The following KIAA0319L variants were observed in gnomAD, a reference collection of about 807,000 sequenced individuals.
The protein encoded by KIAA0319L is KIAA0319 like.
In KIAA0319L, 55 loss-of-function variants were observed where a neutral mutation model predicts 120.1. The ratio of observed to expected loss-of-function variants is 0.46; its 90% CI spans 0.37 to 0.57. KIAA0319L has a LOEUF of 0.57. Ranked by LOEUF, KIAA0319L falls within the 20% of genes least tolerant of loss-of-function variation. The probability of loss-of-function intolerance (pLI) is 0.00; values close to 1 mark genes in which losing one functional copy is unlikely to be tolerated. For missense variants in KIAA0319L, 1,049 were observed against 1,255.3 expected, an observed-to-expected ratio of 0.84 and a Z score of 2.48; for synonymous variants, 398 against 471.9, an observed-to-expected ratio of 0.84 and a Z score of 2.03.
chr1:35,441,222 C>A, intron 19 of KIAA0319L, 84 bp from the exon 20 acceptor site: 1 of 1,230,720 alleles, frequency 8.1e-7, no homozygotes, highest in Non-Finnish European at 1.2e-6. Flanking sequence ...ATGCAGGGCC[C>A]TATTTTGGTG....
intron 4 of KIAA0319L, among the ~76,000 whole-genome samples, chr1:35,478,381 T>C (rs1643999328): frequency 6.6e-6 from 1 of 152,114 alleles, no homozygotes; most frequent in African/African-American, 2.4e-5. Flanking sequence ...TCAATAATAT[T>C]TTAATTGCAC....
Position 35,456,033 on chromosome 1 carries a change from CT to C in KIAA0319L, c.1635del (p.Val548TrpfsTer28). 6.2e-7 allele frequency: 1 copy of C among 1,613,312 alleles called. No individual in the cohort carries two copies. Among genetic ancestry groups the C allele is most frequent in the Non-Finnish European group, 8.5e-7 (1 of 1,179,558 alleles). On this transcript the variant is annotated frameshift_variant, in exon 10 of 21. Transcript: ENST00000325722. LOFTEE classifies it high-confidence loss of function. ...SYEWSLSPSSKGKVVEMQGVR... is the reference protein window; with the variant it reads ...SYEWSLSPSSXGKVVEMQGVR... Reference sequence around the variant, plus strand: ...CCTACCTGCATCTCCACCACTTTCCCTTTGCTGCTTGGGCTGAGTGACCACT... The same window carrying C: ...CCTACCTGCATCTCCACCACTTTCCCTTGCTGCTTGGGCTGAGTGACCACT...
Position 35,442,949 on chromosome 1 carries a change from C to A in KIAA0319L, c.2736G>T (p.Glu912Asp). Residue 912 changes from glutamate to aspartate, a missense_variant, in exon 18 of 21, where the codon GAG (glutamate) becomes GAT (aspartate). By Grantham distance (45) the Glu-to-Asp change is conservative. Transcript: ENST00000325722. ...CCCTCAGCTGCACCTTGATGAAATT[C>A]TCCATCCAAAAAGGGTCACAGATAC... ...KRCICDPFWM[E>D]NFIKVQLRDG... 1.2e-6 allele frequency: 2 copies of A among 1,614,196 alleles called. No homozygotes were observed. The highest frequency in any genetic ancestry group is 1.7e-6 in the Non-Finnish European group (2 of 1,180,018).
intron 13 of KIAA0319L, 49 bp downstream of exon 13, chr1:35,451,579 G>T (rs1427530574): frequency 4.5e-6 from 7 of 1,563,210 alleles, no homozygotes; most frequent in Non-Finnish European, 6.1e-6. Flanking sequence ...AAATTCTTCA[G>T]CTATCTGACC....
intron 1 of KIAA0319L, 108 bp from the exon 2 acceptor site, chr1:35,554,627 A>G: frequency 1.3e-6 from 1 of 775,456 alleles, no homozygotes; most frequent in South Asian, 2.5e-5. Context: ...AAAAATTTCA[A>G]GTTTGTCTTT....
At chr1:35,475,138 T>C (rs1643863256) in intron 4 of KIAA0319L, among the ~76,000 whole-genome samples, 1 of 152,218 alleles carries the variant, frequency 6.6e-6, no homozygotes, top group Non-Finnish European at 1.5e-5. Context: ...CCTAATACCC[T>C]CATTCTTCAT....
chr1:35,518,639 A>G (rs370432811), intron 2 of KIAA0319L, among the ~76,000 whole-genome samples: 10 of 152,124 alleles, frequency 6.6e-5, no homozygotes, highest in African/African-American at 2.4e-4. Context: ...AATAATCTGT[A>G]AAACAAACCC....
intron 6 of KIAA0319L, among the ~76,000 whole-genome samples, chr1:35,470,184 T>C (rs1441611810): frequency 3.3e-5 from 5 of 151,564 alleles, no homozygotes; most frequent in Admixed American, 6.6e-5. Context: ...AATACAAACA[T>C]TTTAGATCTG....
intron 3 of KIAA0319L, among the ~76,000 whole-genome samples, chr1:35,487,443 C>T (rs532228824): frequency 1.5e-4 from 23 of 152,154 alleles, no homozygotes; most frequent in East Asian, 5.8e-4. Context: ...TTAGTAGAGA[C>T]GGGGTTTCGC....
intron 2 of KIAA0319L, among the ~76,000 whole-genome samples, chr1:35,520,200 T>C (rs564366020): frequency 6.6e-6 from 1 of 152,144 alleles, no homozygotes; most frequent in Admixed American, 6.5e-5. Context: ...CCACCCGGGT[T>C]CAAGCAATTC....
chr1:35,438,002 G>A (rs1640920128), intron 20 of KIAA0319L, among the ~76,000 whole-genome samples: 2 of 152,128 alleles, frequency 1.3e-5, no homozygotes, highest in African/African-American at 4.8e-5. Flanking sequence ...GTGAATCACT[G>A]TCAGCTCCTC....
At position 35,441,225 on chromosome 1, in the gene KIAA0319L, T is replaced by A. The variant is rs538988125; in HGVS notation, c.2871-87A>T. 460 of 1,162,840 alleles carry A rather than the reference T, an allele frequency of 4.0e-4. 3 individuals are homozygous for A. The Admixed American group carries it at 7.8e-3, about 20-fold the overall frequency. The allele number at this position is 1,162,840 out of a possible 1,614,324, so 72.0% of individuals were successfully genotyped here. On this transcript the variant is annotated intron_variant, in intron 19 of 20. Coordinates refer to ENST00000325722, the MANE Select transcript of KIAA0319L (RefSeq NM_024874.5). ...AGCCAGATGTGCATGCAGGGCCCTA[T>A]TTTGGTGGGGCACCTACTGAGAGGG...
rs1180922686 is a variant in KIAA0319L, at chr1:35,513,284, A to T, written c.143-6149T>A. Reference sequence around the variant, plus strand: ...CTATATAACATATATATATATATATATATATTTTTTTTTTTTTTTTTTTCT... The same window carrying T: ...CTATATAACATATATATATATATATTTATATTTTTTTTTTTTTTTTTTTCT... On this transcript the variant is annotated intron_variant, in intron 2 of 20. Transcript: ENST00000325722. 2.2e-3 allele frequency among the ~76,000 whole-genome samples: 224 copies of T among 103,182 alleles called. 1 individual carries two copies. The highest frequency in any genetic ancestry group is 8.5e-3 in the African/African-American group (215 of 25,158). The allele number at this position is 103,182 out of a possible 152,430, so 67.7% of individuals were successfully genotyped here.
rs1358219686 is a variant in KIAA0319L at position 35,444,204 on chromosome 1, C to T, written c.2613G>A (p.Lys871=). ...AGGCTCTGAATATCAAAAAGTCTGC[C>T]TTTTGCTTCCGCAGCTCACTCTTGA... The part of the protein sequence containing the change: ...AMLKSELRKQ[K]ADFLIFRALE... The change falls in exon 17 of 21, where the codon AAG becomes AAA. Residue 871 remains lysine (K), a synonymous_variant. Coordinates refer to ENST00000325722, the MANE Select transcript of KIAA0319L (RefSeq NM_024874.5). The T allele has an allele frequency of 1.9e-6, 3 of 1,609,368 alleles. No individual in the cohort carries two copies. Among genetic ancestry groups the T allele is most frequent in the African/African-American group, 1.3e-5 (1 of 74,918 alleles).
chr1:35,490,552 C>T (rs1313670460), intron 3 of KIAA0319L, among the ~76,000 whole-genome samples: 1 of 151,794 alleles, frequency 6.6e-6, no homozygotes, highest in East Asian at 1.9e-4. Flanking sequence ...AAAACTGATC[C>T]AGAAATAACA....
chr1:35,442,782 G>T, intron 18 of KIAA0319L, 124 bp downstream of exon 18: 1 of 1,224,394 alleles, frequency 8.2e-7, no homozygotes, highest in Non-Finnish European at 1.2e-6. Context: ...TCTGCAAACA[G>T]AAAATACACA....
At chr1:35,537,235 C>G (rs1418136590) in intron 2 of KIAA0319L, among the ~76,000 whole-genome samples, 2 of 152,158 alleles carry the variant, frequency 1.3e-5, no homozygotes, top group Non-Finnish European at 2.9e-5. Flanking sequence ...TAAGAATCTG[C>G]AGTTGATTGC....
intron 15 of KIAA0319L, among the ~76,000 whole-genome samples, chr1:35,448,596 G>A (rs1056509454): frequency 6.6e-6 from 1 of 152,180 alleles, no homozygotes; most frequent in African/African-American, 2.4e-5. Flanking sequence ...AATGAGGGGT[G>A]GGGAGTAATG....
chr1:35,498,441 TAATA>T (rs1251929364), intron 3 of KIAA0319L, among the ~76,000 whole-genome samples: 5 of 152,092 alleles, frequency 3.3e-5, no homozygotes, highest in African/African-American at 4.8e-5. Flanking sequence ...TGGATAGAAA[TAATA>T]AAAACTAAAC....
Sources: allele counts gnomAD v4.1 joint callset (sites outside exome capture counted in the v4.1 genomes callset), GRCh38; gene constraint gnomAD v4.1.1; transcripts MANE v1.5; gene names NCBI Gene and HGNC (gene_info 2026-07-23, HGNC 2026-07-21).